TBC1D22A: variants seen among roughly 807,000 people sequenced by gnomAD.
The protein encoded by TBC1D22A is TBC1 domain family member 22A, also known as putative GTPase activator.
A neutral mutation model predicts 60.2 loss-of-function variants in TBC1D22A; 38 were observed. The observed-to-expected ratio is 0.63, with a 90% CI of 0.49 to 0.83. The LOEUF is 0.83. Ranked by LOEUF, TBC1D22A falls within the 40% of genes least tolerant of loss-of-function variation. The pLI, the probability that TBC1D22A is intolerant of heterozygous loss-of-function variation, is 0.00. For missense variants in TBC1D22A, 628 were observed against 701.0 expected, an observed-to-expected ratio of 0.90 and a Z score of 1.18; for synonymous variants, 302 against 281.7, an observed-to-expected ratio of 1.07 and a Z score of -0.72.
chr22:46,901,287 T>G (rs1420743291), intron 7 of TBC1D22A, among the ~76,000 whole-genome samples: 1 of 152,258 alleles, frequency 6.6e-6, no homozygotes, highest in East Asian at 1.9e-4. Context: ...AAGTGCTTTC[T>G]GACCATTGTA....
chr22:46,770,997 C>T (rs182053281), intron 1 of TBC1D22A, among the ~76,000 whole-genome samples: 1 of 152,290 alleles, frequency 6.6e-6, no homozygotes, highest in African/African-American at 2.4e-5. Context: ...GGTGCAGTTC[C>T]TTTTCTTGTT....
intron 4 of TBC1D22A, among the ~76,000 whole-genome samples, chr22:46,801,822 T>C (rs1056512124): frequency 2.0e-5 from 3 of 152,212 alleles, no homozygotes; most frequent in African/African-American, 7.2e-5. Flanking sequence ...GACCATCCAG[T>C]CTAGGCTTTA....
At chr22:46,955,034 T>A (rs984988211) in intron 8 of TBC1D22A, among the ~76,000 whole-genome samples, 2 of 152,194 alleles carry the variant, frequency 1.3e-5, no homozygotes, top group African/African-American at 4.8e-5. Flanking sequence ...AAGACGCGGC[T>A]TTTGAGAGCT....
chr22:46,803,481 C>T (rs1399319158), intron 4 of TBC1D22A, among the ~76,000 whole-genome samples: 1 of 152,146 alleles, frequency 6.6e-6, no homozygotes, highest in Non-Finnish European at 1.5e-5. Context: ...GGAGCTGAGG[C>T]GGGGAGGGCG....
chr22:47,003,924 G>A (rs1193048142), intron 10 of TBC1D22A, among the ~76,000 whole-genome samples: 1 of 93,920 alleles, frequency 1.1e-5, no homozygotes, highest in South Asian at 3.7e-4. Flanking sequence ...CACACCCTAC[G>A]CACGCATGCC....
intron 1 of TBC1D22A, among the ~76,000 whole-genome samples, chr22:46,790,237 C>T (rs13347227): frequency 0.017 from 2,515 of 152,346 alleles, 77 homozygotes; most frequent in African/African-American, 0.058. Flanking sequence ...GGCATACAGC[C>T]CCCTTTCTCC....
At chr22:47,016,503 G>A (rs749072287) in intron 10 of TBC1D22A, among the ~76,000 whole-genome samples, 5 of 152,162 alleles carry the variant, frequency 3.3e-5, no homozygotes, top group African/African-American at 4.8e-5. Context: ...CCTGGAGAAC[G>A]AGCCCCTCCA....
At chr22:47,160,615 G>A (rs2067941765) in intron 12 of TBC1D22A, among the ~76,000 whole-genome samples, 1 of 152,226 alleles carries the variant, frequency 6.6e-6, no homozygotes, top group Non-Finnish European at 1.5e-5. Context: ...GAATATGAAA[G>A]TACAGGGGTC....
intron 1 of TBC1D22A, among the ~76,000 whole-genome samples, chr22:46,770,545 CAG>C (rs751155137): frequency 6.6e-6 from 1 of 152,232 alleles, no homozygotes; most frequent in Non-Finnish European, 1.5e-5. Flanking sequence ...CCTCCCTCAG[CAG>C]AGTCCTGCAC....
chr22:47,052,873 A>G (rs2063272829), intron 11 of TBC1D22A, among the ~76,000 whole-genome samples: 1 of 152,148 alleles, frequency 6.6e-6, no homozygotes, highest in Non-Finnish European at 1.5e-5. Context: ...TCACTGCCAC[A>G]TGGCTGGCCC....
intron 12 of TBC1D22A, among the ~76,000 whole-genome samples, chr22:47,167,321 T>C (rs895732698): frequency 2.6e-5 from 4 of 152,220 alleles, no homozygotes; most frequent in African/African-American, 4.8e-5. Context: ...CATTCAAGCA[T>C]TGCCGAAGGC....
chr22:47,061,619 TG>T (rs1310782704), intron 11 of TBC1D22A, among the ~76,000 whole-genome samples: 1 of 152,178 alleles, frequency 6.6e-6, no homozygotes, highest in East Asian at 1.9e-4. Context: ...TTAGACAAGC[TG>T]GGCTCCAGCA....
chr22:47,161,566 G>A (rs2067986322), intron 12 of TBC1D22A, among the ~76,000 whole-genome samples: 1 of 152,214 alleles, frequency 6.6e-6, no homozygotes, highest in Non-Finnish European at 1.5e-5. Flanking sequence ...AAAATACAGA[G>A]AGGCAGAAAG....
chr22:46,865,147 T>C (rs952734787), intron 4 of TBC1D22A, among the ~76,000 whole-genome samples: 1 of 152,216 alleles, frequency 6.6e-6, no homozygotes, highest in African/African-American at 2.4e-5. Context: ...GGTTGGCACC[T>C]GTTCCTGGCA....
At chr22:46,950,289 G>A (rs1027240957) in intron 8 of TBC1D22A, among the ~76,000 whole-genome samples, 6 of 152,214 alleles carry the variant, frequency 3.9e-5, no homozygotes, top group African/African-American at 1.4e-4. Flanking sequence ...GGAGGGTAGA[G>A]TTGCCATTCC....
intron 12 of TBC1D22A, among the ~76,000 whole-genome samples, chr22:47,170,117 G>C (rs1421104236): frequency 6.6e-6 from 1 of 152,210 alleles, no homozygotes; most frequent in Non-Finnish European, 1.5e-5. Context: ...CTGTATTTAA[G>C]GATGTGTTTG....
chr22:46,933,982 G>T (rs1433435613), intron 8 of TBC1D22A, among the ~76,000 whole-genome samples: 1 of 152,168 alleles, frequency 6.6e-6, no homozygotes, highest in Non-Finnish European at 1.5e-5. Flanking sequence ...CTCCCACTTT[G>T]TGGGGTGTGG....
chr22:46,897,648 TTG>T (rs1569189561), intron 7 of TBC1D22A, among the ~76,000 whole-genome samples: 1 of 109,540 alleles, frequency 9.1e-6, no homozygotes. Flanking sequence ...TTGTTTTTTT[TTG>T]TGTTTTTTTT....
In TBC1D22A at chr22:46,911,550, A is replaced by G. The variant is rs375428866; in HGVS notation, c.901-524A>G. Among the ~76,000 whole-genome samples, 10 of 152,300 alleles carry G rather than the reference A, an allele frequency of 6.6e-5. No individual in the cohort carries two copies. The East Asian group carries it at 1.5e-3, about 24-fold the overall frequency. On this transcript the variant is annotated intron_variant, in intron 7 of 12. Transcript: ENST00000337137. ...GCTGGGAGAGCCAGCTCAGGGACGG[A>G]CTGAGCCAGGGGCTGCTGAAGTGCT...
Sources: allele counts gnomAD v4.1 joint callset (sites outside exome capture counted in the v4.1 genomes callset), GRCh38; gene constraint gnomAD v4.1.1; transcripts MANE v1.5; gene names NCBI Gene and HGNC (gene_info 2026-07-23, HGNC 2026-07-21).